The following NR2C1 variants were observed in gnomAD, a reference collection of about 807,000 sequenced individuals.
NR2C1 encodes TR2 nuclear hormone receptor.
Under a neutral mutation model 74.8 loss-of-function variants are expected in NR2C1, and 33 were observed. That is an observed-to-expected ratio of 0.44 (90% CI 0.33 to 0.59). The LOEUF (loss-of-function observed/expected upper bound fraction) is 0.59, where lower values mean the gene tolerates loss of function less well. Among genes scored for constraint, NR2C1 ranks in the 20% least tolerant of loss-of-function variants. The pLI is 0.02. For missense variants in NR2C1, 568 were observed against 715.6 expected (o/e 0.79, Z 2.35); for synonymous variants, 225 against 240.6 (o/e 0.94, Z 0.60).
chr12:95,062,785 T>G (rs756331845), intron 2 of NR2C1, 47 bp from the exon 3 acceptor site: 2 of 1,413,878 alleles, frequency 1.4e-6, no homozygotes, highest in Non-Finnish European at 2.0e-6. Context: ...TAATTTTTCT[T>G]TAATGACACA....
At chr12:95,056,828 A>G (rs1428189338) in intron 7 of NR2C1, among the ~76,000 whole-genome samples, 5 of 151,946 alleles carry the variant, frequency 3.3e-5, no homozygotes, top group African/African-American at 9.6e-5. Flanking sequence ...GTGTGGTGGC[A>G]GGTGCCTGTA....
At chr12:95,052,232 C>G (rs1873122411) in intron 7 of NR2C1, among the ~76,000 whole-genome samples, 1 of 151,734 alleles carries the variant, frequency 6.6e-6, no homozygotes. Flanking sequence ...CTCAGCTCAC[C>G]GCAACCTCTG....
At chr12:95,043,140 A>C (rs758449589) in intron 9 of NR2C1, among the ~76,000 whole-genome samples, 2 of 152,058 alleles carry the variant, frequency 1.3e-5, no homozygotes, top group Non-Finnish European at 2.9e-5. Context: ...GTGCACCTAT[A>C]ATCCCAGTTA....
rs751385862 is a variant in NR2C1 at position 95,049,055 on chromosome 12, C to A, written c.1131+13G>T. On this transcript the variant is annotated intron_variant, in intron 9 of 13. Coordinates refer to ENST00000333003, the MANE Select transcript of NR2C1 (RefSeq NM_003297.4). ...AACACAACATACAAGTTAAAAAAAA[C>A]ATATAGAAATACCCTGAAAGCTACA... 3.7e-6 allele frequency: 6 copies of A among 1,608,600 alleles called. No individual in the cohort carries two copies. The African/African-American group carries it at 8.0e-5, about 22-fold the overall frequency.
chr12:95,057,098 A>ATTTTTTTTTTT (rs1184465413), intron 7 of NR2C1, among the ~76,000 whole-genome samples: 1 of 111,560 alleles, frequency 9.0e-6, no homozygotes, highest in Non-Finnish European at 1.8e-5. Flanking sequence ...AACATTTCTG[A>ATTTTTTTTTTT]TTTTTTTTTT....
At chr12:95,030,888 A>G in intron 11 of NR2C1, 1 of 1,595,454 alleles carries the variant, frequency 6.3e-7, no homozygotes, top group Non-Finnish European at 8.6e-7. Flanking sequence ...GAAAGGAAAA[A>G]CAGAATAAAA....
chr12:95,039,236 A>G (rs1158517086), intron 10 of NR2C1, among the ~76,000 whole-genome samples: 4 of 152,248 alleles, frequency 2.6e-5, no homozygotes, highest in Admixed American at 1.3e-4. Flanking sequence ...TTAATAAACC[A>G]AATTATAATG....
At chr12:95,068,862 C>A (rs1449067427) in intron 1 of NR2C1, among the ~76,000 whole-genome samples, 6 of 151,404 alleles carry the variant, frequency 4.0e-5, no homozygotes, top group Non-Finnish European at 8.8e-5. Flanking sequence ...ACTCAGGAGA[C>A]TGAGGCAGAA....
intron 11 of NR2C1, chr12:95,030,308 A>G (rs987289699): frequency 6.3e-6 from 3 of 479,396 alleles, no homozygotes; most frequent in Non-Finnish European, 9.3e-6. Context: ...TGGTTGGGAA[A>G]AAATGAGCAA....
intron 7 of NR2C1, among the ~76,000 whole-genome samples, chr12:95,057,013 C>T (rs962078572): frequency 1.3e-5 from 2 of 149,842 alleles, no homozygotes; most frequent in African/African-American, 2.5e-5. Flanking sequence ...ACTGAGGACT[C>T]GTATTTCAAG....
intron 10 of NR2C1, among the ~76,000 whole-genome samples, chr12:95,039,866 C>G (rs910748673): frequency 7.2e-5 from 11 of 152,174 alleles, no homozygotes; most frequent in African/African-American, 2.7e-4. Context: ...TCTTAAACTC[C>G]TGGCCTCAAG....
Position 95,020,937 on chromosome 12 carries a change from A to G in NR2C1, c.*1292T>C, listed in dbSNP as rs1002193819. The G allele has an allele frequency of 1.3e-5, 2 of 152,218 alleles. No individual in the cohort carries two copies. The highest frequency in any genetic ancestry group is 4.8e-5 in the African/African-American group (2 of 41,468). The allele number at this position is 152,218 out of a possible 1,614,324, so 9.4% of individuals were successfully genotyped here. A position where few individuals can be genotyped will look rare whatever the true frequency, so the allele number is the denominator to read the frequency against. ...ATCAGTGAATATTTCTTTATTTTAA[A>G]AAATTATCAATAGCTTCAAAATAAT... On this transcript the variant is annotated 3_prime_UTR_variant, in exon 14 of 14. Coordinates refer to ENST00000333003, the MANE Select transcript of NR2C1 (RefSeq NM_003297.4).
At chr12:95,060,013 C>G (rs754336574) in intron 3 of NR2C1, 29 bp from the exon 4 acceptor site, 2 of 1,299,712 alleles carry the variant, frequency 1.5e-6, no homozygotes, top group African/African-American at 1.8e-5. Context: ...AAAAAGAAAA[C>G]AAAAACGAAA....
Position 95,057,785 on chromosome 12 carries a change from A to G in NR2C1, c.638T>C (p.Leu213Pro), listed in dbSNP as rs1477700373. The G allele has an allele frequency of 6.2e-7, 1 of 1,614,156 alleles. No homozygotes were observed. The highest frequency in any genetic ancestry group is 8.5e-7 in the Non-Finnish European group (1 of 1,180,008). Residue 213 changes from leucine (L) to proline (P), a missense_variant, in exon 6 of 14, where the codon CTT (leucine) becomes CCT (proline). Leu to Pro is a moderately conservative substitution (Grantham distance 98). Around this residue, in one of 6 missense-constraint regions of NR2C1, gnomAD observed 239 missense variants for 232.3 expected, o/e 1.03. Coordinates refer to ENST00000333003, the MANE Select transcript of NR2C1 (RefSeq NM_003297.4). ...STEKIYIRKD[L>P]RSPLTATPTF... Reference sequence around the variant, plus strand: ...TGGAGTTGCAGTTAATGGGCTACGAAGGTCCTTTCGGATATAGATTTTTTC... The same window carrying G: ...TGGAGTTGCAGTTAATGGGCTACGAGGGTCCTTTCGGATATAGATTTTTTC...
chr12:95,071,855 T>G (rs2136215347), intron 1 of NR2C1, among the ~76,000 whole-genome samples: 1 of 151,532 alleles, frequency 6.6e-6, no homozygotes, highest in South Asian at 2.1e-4. Flanking sequence ...TTCAAGCAAT[T>G]CTCCTGCCTC....
intron 2 of NR2C1, among the ~76,000 whole-genome samples, chr12:95,065,089 A>G (rs1023121194): frequency 6.6e-6 from 1 of 152,262 alleles, no homozygotes; most frequent in African/African-American, 2.4e-5. Flanking sequence ...TATTTGGGCA[A>G]TCCAAAGAGC....
rs1380080536 is a variant in NR2C1 at position 95,062,505 on chromosome 12, T to C, written c.285+3A>G. The C allele has an allele frequency of 6.3e-7, 1 of 1,587,624 alleles. No homozygotes were observed. The highest frequency in any genetic ancestry group is 8.6e-7 in the Non-Finnish European group (1 of 1,161,998). ...AGGAAAAGACACTTCTATAGTTATT[T>C]ACCTGCAGGTGTTGTGCAGACAGAT... On this transcript the variant is annotated splice_donor_region_variant and intron_variant, in intron 3 of 13. Transcript: ENST00000333003.
chr12:95,067,857 C>G (rs1460039918), intron 1 of NR2C1, among the ~76,000 whole-genome samples: 1 of 151,362 alleles, frequency 6.6e-6, no homozygotes, highest in Admixed American at 6.6e-5. Flanking sequence ...CATAAGCCAC[C>G]ATGCCCACCC....
chr12:95,022,447 C>A, intron 13 of NR2C1, 44 bp from the exon 14 acceptor site: 2 of 1,472,184 alleles, frequency 1.4e-6, no homozygotes, highest in South Asian at 2.5e-5. Context: ...GGTTGTAAAC[C>A]AGAAAGAAAT....
Sources: gnomAD v4.1 joint callset for allele counts (sites outside exome capture counted in the v4.1 genomes callset) on GRCh38, gnomAD v4.1.1 for gene constraint, gnomAD v4.1.1 regional missense constraint, MANE v1.5 for transcripts, NCBI Gene and HGNC (gene_info 2026-07-23, HGNC 2026-07-21) for gene names.